Variants in EYA3 observed in about 807,000 individuals in gnomAD.
EYA3 encodes protein phosphatase EYA3.
Under a neutral mutation model 80.0 loss-of-function variants are expected in EYA3, and 39 were observed. That is an observed-to-expected ratio of 0.49 (90% CI 0.38 to 0.64). The LOEUF is 0.64. Among genes scored for constraint, EYA3 ranks in the 30% least tolerant of loss-of-function variants. The probability of loss-of-function intolerance (pLI) is 0.00; values close to 1 mark genes in which losing one functional copy is unlikely to be tolerated. For synonymous variants in EYA3, 206 were observed against 232.8 expected, an observed-to-expected ratio of 0.88 and a Z score of 1.05; for missense variants, 523 against 676.1, an observed-to-expected ratio of 0.77 and a Z score of 2.51.
chr1:28,025,669 T>C (rs1642736556), intron 7 of EYA3, among the ~76,000 whole-genome samples: 1 of 152,180 alleles, frequency 6.6e-6, no homozygotes, highest in Non-Finnish European at 1.5e-5. Context: ...GGTTAGCCAA[T>C]CCAAAGGAAA....
At chr1:27,986,399 ATT>A (rs111866821) in intron 16 of EYA3, among the ~76,000 whole-genome samples, 23 of 135,222 alleles carry the variant, frequency 1.7e-4, no homozygotes, top group African/African-American at 2.2e-4. Flanking sequence ...CTCTCTTAAC[ATT>A]TTTTTTTTTT....
At chr1:28,035,433 C>A (rs376695365) in intron 6 of EYA3, 111 bp downstream of exon 6, 10 of 1,210,824 alleles carry the variant, frequency 8.3e-6, no homozygotes, top group South Asian at 5.0e-5. Context: ...AAGTTGCATA[C>A]CCAACCACAT....
chr1:28,028,878 G>A (rs1156603107), intron 6 of EYA3, among the ~76,000 whole-genome samples: 2 of 151,394 alleles, frequency 1.3e-5, no homozygotes, highest in African/African-American at 2.4e-5. Flanking sequence ...ATGGGTGTGT[G>A]CCACCATACT....
At chr1:28,040,854 C>CGGGGGGGG (rs1643734518) in intron 4 of EYA3, among the ~76,000 whole-genome samples, 2 of 119,930 alleles carry the variant, frequency 1.7e-5, no homozygotes, top group African/African-American at 3.4e-5. Context: ...GGCGGAGGGG[C>CGGGGGGGG]AGGGGGGGGT....
chr1:28,010,752 C>G, intron 10 of EYA3, 195 bp downstream of exon 10: 1 of 551,222 alleles, frequency 1.8e-6, no homozygotes, highest in Non-Finnish European at 3.1e-6. Context: ...TGTTTCTGTT[C>G]TCTTCTGGAA....
intron 1 of EYA3, among the ~76,000 whole-genome samples, chr1:28,081,791 G>T (rs191134444): frequency 6.6e-6 from 1 of 152,226 alleles, no homozygotes; most frequent in African/African-American, 2.4e-5. Context: ...ATGTATTCCC[G>T]TAGTAACGGT....
intron 1 of EYA3, among the ~76,000 whole-genome samples, chr1:28,087,741 GAC>G (rs1557663218): frequency 6.6e-5 from 10 of 152,342 alleles, no homozygotes; most frequent in African/African-American, 2.4e-4. Context: ...ACTTCTTCAT[GAC>G]TTGTCAATTA....
At position 27,970,711 on chromosome 1, in the gene EYA3, A is replaced by G. The variant is rs896737118; in HGVS notation, c.*3755T>C. On this transcript the variant is annotated 3_prime_UTR_variant, in exon 18 of 18. Coordinates refer to ENST00000373871, the MANE Select transcript of EYA3 (RefSeq NM_001990.4). ...TTTAGAATCTCGGAATTCAGATCCTATAGTGTGAATATCTGGGGAGTTCTA... is the reference window on the plus strand; with the variant it reads ...TTTAGAATCTCGGAATTCAGATCCTGTAGTGTGAATATCTGGGGAGTTCTA... 1.3e-5 allele frequency: 2 copies of G among 152,226 alleles called. No individual in the cohort carries two copies. Among genetic ancestry groups the G allele is most frequent in the Non-Finnish European group, 2.9e-5 (2 of 68,048 alleles). 9.4% of individuals were successfully genotyped at this position (152,226 alleles called of 1,614,324 possible). A position where few individuals can be genotyped will look rare whatever the true frequency, so the allele number is the denominator to read the frequency against.
chr1:28,038,823 T>C lies in EYA3; in HGVS notation c.224+16A>G, dbSNP rs1557602315. 6.7e-7 allele frequency: 1 copy of C among 1,500,934 alleles called. No individual in the cohort carries two copies. The highest frequency in any genetic ancestry group is 9.1e-7 in the Non-Finnish European group (1 of 1,101,118). The allele number at this position is 1,500,934 out of a possible 1,614,324, so 93.0% of individuals were successfully genotyped here. A position where few individuals can be genotyped will look rare whatever the true frequency, so the allele number is the denominator to read the frequency against. ...AGAAAAAGCATATGCATTTTGGAAA[T>C]AATTATTCAACTTACTTTGCAGAAT... On this transcript the variant is annotated intron_variant, in intron 5 of 17. Transcript: ENST00000373871.
chr1:27,970,951 T>G lies in EYA3; in HGVS notation c.*3515A>C, dbSNP rs1356406326. 6.6e-6 allele frequency: 1 copy of G among 152,228 alleles called. No homozygotes were observed. The highest frequency in any genetic ancestry group is 1.5e-5 in the Non-Finnish European group (1 of 68,054). The allele number at this position is 152,228 out of a possible 1,614,324, so 9.4% of individuals were successfully genotyped here. On this transcript the variant is annotated 3_prime_UTR_variant, in exon 18 of 18. Transcript: ENST00000373871. ...GTAGTAAACATCTAGAAGCTCCACA[T>G]GCTGCAGCTAGAGTTTGCAAGTCAG...
intron 7 of EYA3, among the ~76,000 whole-genome samples, chr1:28,024,154 G>A (rs776703198): frequency 2.4e-4 from 37 of 151,964 alleles, no homozygotes; most frequent in African/African-American, 8.5e-4. Context: ...CAGAAGATGC[G>A]CTTAAACTCG....
intron 17 of EYA3, among the ~76,000 whole-genome samples, chr1:27,976,780 C>T (rs1638949129): frequency 6.6e-6 from 1 of 152,056 alleles, no homozygotes; most frequent in African/African-American, 2.4e-5. Context: ...TGCAGTGGCA[C>T]GATCTCGGCT....
At chr1:27,991,992 G>A (rs2148731548) in intron 14 of EYA3, among the ~76,000 whole-genome samples, 1 of 152,272 alleles carries the variant, frequency 6.6e-6, no homozygotes, top group Middle Eastern at 3.4e-3. Context: ...TTTGAATCAT[G>A]AGAAGAAATA....
Position 28,038,858 on chromosome 1 carries a change from A to G in EYA3, c.205T>C (p.Ser69Pro). Residue 69 changes from serine to proline, a missense_variant, in exon 5 of 18, where the codon TCA becomes CCA. By Grantham distance (74) the Ser-to-Pro change is moderately conservative. This residue lies in a region of EYA3 where 304 missense variants were observed against 343.3 expected (regional missense o/e 0.89). Coordinates refer to ENST00000373871, the MANE Select transcript of EYA3 (RefSeq NM_001990.4). ...ACTTACTTTGCAGAATACATTTGTG[A>G]GGTATAATCATTGGATGAGCGAGGG... The part of the protein sequence containing the change: ...YIPRSSNDYT[S>P]QMYSAKPYAH... 1 of 1,592,032 alleles carries G rather than the reference A, an allele frequency of 6.3e-7. No homozygotes were observed. Among genetic ancestry groups the G allele is most frequent in the Non-Finnish European group, 8.6e-7 (1 of 1,166,090 alleles).
intron 16 of EYA3, among the ~76,000 whole-genome samples, chr1:27,979,865 C>T (rs1639180517): frequency 6.6e-6 from 1 of 152,146 alleles, no homozygotes; most frequent in South Asian, 2.1e-4. Context: ...ATAACTGTAA[C>T]ATAATTGGCC....
intron 1 of EYA3, among the ~76,000 whole-genome samples, chr1:28,062,975 C>T (rs1238270055): frequency 6.8e-6 from 1 of 146,062 alleles, no homozygotes; most frequent in Non-Finnish European, 1.5e-5. Flanking sequence ...GCACTCCAGG[C>T]TGGGCGACAG....
chr1:27,973,313 T>C lies in EYA3; in HGVS notation c.*1153A>G, dbSNP rs1638800821. On this transcript the variant is annotated 3_prime_UTR_variant, in exon 18 of 18. Transcript: ENST00000373871. ...ATTCTTGGGTCTAATACCCGGGGAC[T>C]GGCCAGAGCTGCCTGGAGGTGGACA... is the stretch of plus-strand genomic sequence containing the variant. 1 of 152,164 alleles carries C rather than the reference T, an allele frequency of 6.6e-6. No homozygotes were observed. Among genetic ancestry groups the C allele is most frequent in the Non-Finnish European group, 1.5e-5 (1 of 68,058 alleles). 9.4% of individuals were successfully genotyped at this position (152,164 alleles called of 1,614,324 possible). A position where few individuals can be genotyped will look rare whatever the true frequency, so the allele number is the denominator to read the frequency against.
intron 12 of EYA3, among the ~76,000 whole-genome samples, chr1:27,998,082 C>T (rs761212143): frequency 3.3e-5 from 5 of 152,182 alleles, no homozygotes; most frequent in Non-Finnish European, 7.4e-5. Context: ...CCGCCCACTA[C>T]CTAACTGATG....
chr1:28,047,529 C>T (rs913165003), intron 3 of EYA3, among the ~76,000 whole-genome samples: 2 of 142,148 alleles, frequency 1.4e-5, no homozygotes, highest in Non-Finnish European at 1.6e-5. Flanking sequence ...GATGCAGTTA[C>T]TGGCTCATAT....
Sources: allele counts gnomAD v4.1 joint callset (sites outside exome capture counted in the v4.1 genomes callset), GRCh38; gene constraint gnomAD v4.1.1; regional missense constraint gnomAD v4.1.1; transcripts MANE v1.5; gene names NCBI Gene and HGNC (gene_info 2026-07-23, HGNC 2026-07-21).